The following EYA4 variants were observed in gnomAD, a reference collection of about 807,000 sequenced individuals.
The protein encoded by EYA4 is EYA transcriptional coactivator and phosphatase 4.
In EYA4, 31 loss-of-function variants were observed where a neutral mutation model predicts 87.9. That is an observed-to-expected ratio of 0.35 (90% confidence interval 0.27 to 0.48). The LOEUF (loss-of-function observed/expected upper bound fraction) is 0.48, where lower values mean the gene tolerates loss of function less well. Ranked by LOEUF, EYA4 falls within the 20% of genes least tolerant of loss-of-function variation. The pLI is 0.99. For missense variants in EYA4, 678 were observed against 761.4 expected, an observed-to-expected ratio of 0.89 and a Z score of 1.29; for synonymous variants, 263 against 270.6, an observed-to-expected ratio of 0.97 and a Z score of 0.28.
chr6:133,391,943 C>G (rs1014869299), intron 3 of EYA4, among the ~76,000 whole-genome samples: 1 of 152,176 alleles, frequency 6.6e-6, no homozygotes, highest in East Asian at 1.9e-4. Flanking sequence ...GCACTCCCCC[C>G]TTTCCTAATT....
chr6:133,418,881 G>A (rs1460520892), intron 3 of EYA4, among the ~76,000 whole-genome samples: 1 of 152,112 alleles, frequency 6.6e-6, no homozygotes. Context: ...AATTTCTAAA[G>A]TAATAAAGAT....
At chr6:133,453,034 T>G (rs768085409) in intron 5 of EYA4, 2 of 152,106 alleles carry the variant, frequency 1.3e-5, no homozygotes, top group Non-Finnish European at 2.9e-5. Flanking sequence ...TGTAATGATT[T>G]TGGTTTGCTG....
chr6:133,407,269 T>G (rs78151538), intron 3 of EYA4, among the ~76,000 whole-genome samples: 1 of 103,000 alleles, frequency 9.7e-6, no homozygotes, highest in South Asian at 3.5e-4. Context: ...TTTTTTTTTT[T>G]GGAAGGAAAC....
At chr6:133,258,809 C>A (rs1775559774) in intron 1 of EYA4, among the ~76,000 whole-genome samples, 2 of 152,096 alleles carry the variant, frequency 1.3e-5, no homozygotes, top group African/African-American at 4.8e-5. Context: ...AAGTACCAGG[C>A]AAACCACATC....
At chr6:133,395,797 T>C (rs1166011721) in intron 3 of EYA4, among the ~76,000 whole-genome samples, 2 of 152,128 alleles carry the variant, frequency 1.3e-5, no homozygotes, top group Non-Finnish European at 2.9e-5. Context: ...CTAAGTTTGC[T>C]CTAACAAGTA....
chr6:133,268,462 G>C (rs886305687), intron 1 of EYA4, among the ~76,000 whole-genome samples: 1 of 152,134 alleles, frequency 6.6e-6, no homozygotes, highest in Non-Finnish European at 1.5e-5. Context: ...AGAGCACTTG[G>C]CTAATTTGTT....
intron 17 of EYA4, among the ~76,000 whole-genome samples, chr6:133,520,805 C>T (rs562311717): frequency 4.2e-4 from 64 of 152,090 alleles, no homozygotes; most frequent in South Asian, 2.7e-3. Context: ...TCAGAAATAA[C>T]ACCGCCTATC....
At chr6:133,312,492 AAC>A (rs1474922856) in intron 2 of EYA4, among the ~76,000 whole-genome samples, 1 of 152,186 alleles carries the variant, frequency 6.6e-6, no homozygotes, top group Non-Finnish European at 1.5e-5. Flanking sequence ...TCATTTGAAA[AAC>A]ACACCTAAAA....
intron 3 of EYA4, among the ~76,000 whole-genome samples, chr6:133,444,902 G>A (rs1171376146): frequency 4.6e-5 from 7 of 152,178 alleles, no homozygotes; most frequent in Non-Finnish European, 7.3e-5. Context: ...CCTGACCATA[G>A]TCAGCTTTTT....
intron 16 of EYA4, among the ~76,000 whole-genome samples, chr6:133,514,287 A>G (rs1233667544): frequency 2.6e-5 from 4 of 152,218 alleles, no homozygotes; most frequent in Admixed American, 6.5e-5. Context: ...TAGATTTTCT[A>G]GTTAAAATCA....
At chr6:133,481,438 T>A in intron 11 of EYA4, 25 bp from the exon 12 acceptor site, 1 of 1,611,236 alleles carries the variant, frequency 6.2e-7, no homozygotes, top group South Asian at 1.1e-5. Flanking sequence ...AGTGCTATTC[T>A]TGACCTAAGT....
chr6:133,470,555 G>T lies in EYA4; in HGVS notation c.970+1824G>T, dbSNP rs1363042451. ...CTCCAGCTTTGTTCTTTTGGCTTAG[G>T]AGTGACTTGGCAATGCGGGCTCTTT... On this transcript the variant is annotated intron_variant, in intron 11 of 19. Transcript: ENST00000355286. 4.7e-5 allele frequency among the ~76,000 whole-genome samples: 2 copies of T among 42,924 alleles called. 1 individual carries two copies. Among genetic ancestry groups the T allele is most frequent in the Admixed American group, 4.8e-4 (2 of 4,180 alleles). The allele number at this position is 42,924 out of a possible 152,430, so 28.2% of individuals were successfully genotyped here.
rs779172500 is a variant in EYA4, at chr6:133,515,359, T to C, written c.1540T>C (p.Leu514=). 1.1e-5 allele frequency: 18 copies of C among 1,613,714 alleles called. No homozygotes were observed. The highest frequency in any genetic ancestry group is 1.4e-5 in the Non-Finnish European group (17 of 1,179,712). ...GPAKRDAWLQ[L]RAEIEGLTDS... ...TGCCAAGAGGGATGCCTGGCTACAGTTAAGGGCAGAGATTGAAGGTCTGAC... is the reference window on the plus strand; with the variant it reads ...TGCCAAGAGGGATGCCTGGCTACAGCTAAGGGCAGAGATTGAAGGTCTGAC... The change falls in exon 17 of 20, where the codon TTA becomes CTA. Residue 514 remains leucine, a synonymous_variant. Coordinates refer to ENST00000355286, the MANE Select transcript of EYA4 (RefSeq NM_004100.5).
chr6:133,382,232 A>G (rs1786283359), intron 2 of EYA4, among the ~76,000 whole-genome samples, 160 bp from the exon 3 acceptor site: 1 of 152,158 alleles, frequency 6.6e-6, no homozygotes, highest in African/African-American at 2.4e-5. Context: ...TGGGATAATA[A>G]TGAAATACAC....
At chr6:133,425,238 G>C (rs1409726883) in intron 3 of EYA4, among the ~76,000 whole-genome samples, 1 of 150,554 alleles carries the variant, frequency 6.6e-6, no homozygotes. Flanking sequence ...TGTTAGTATT[G>C]TAATCAGTGC....
intron 2 of EYA4, among the ~76,000 whole-genome samples, chr6:133,282,598 A>ATATG (rs10644524): frequency 0.57 from 85,729 of 151,202 alleles, 25,823 homozygotes; most frequent in African/African-American, 0.78. Context: ...GTATATATAT[A>ATATG]TATGTATATA....
chr6:133,322,843 G>A (rs919300027), intron 2 of EYA4, among the ~76,000 whole-genome samples: 18 of 152,004 alleles, frequency 1.2e-4, no homozygotes, highest in African/African-American at 4.1e-4. Flanking sequence ...AAAAGTAAAG[G>A]TTCATGTTAT....
intron 2 of EYA4, among the ~76,000 whole-genome samples, chr6:133,291,936 A>ACT (rs539915666): frequency 6.6e-6 from 1 of 151,178 alleles, no homozygotes; most frequent in East Asian, 1.9e-4. Flanking sequence ...AGCTAGACTG[A>ACT]TTTTTTTTTC....
chr6:133,443,859 A>G (rs956102608), intron 3 of EYA4, among the ~76,000 whole-genome samples: 99 of 152,202 alleles, frequency 6.5e-4, no homozygotes, highest in African/African-American at 2.3e-3. Flanking sequence ...TTCTAAATTA[A>G]TTCATTGTGG....
Sources: allele counts gnomAD v4.1 joint callset (sites outside exome capture counted in the v4.1 genomes callset), GRCh38; gene constraint gnomAD v4.1.1; transcripts MANE v1.5; gene names NCBI Gene and HGNC (gene_info 2026-07-23, HGNC 2026-07-21).